DTNA: variants seen among roughly 807,000 people sequenced by gnomAD.
DTNA encodes the protein dystrobrevin alpha.
DTNA carries 43 observed loss-of-function variants against 100.7 expected under a neutral mutation model. The ratio of observed to expected loss-of-function variants is 0.43; its 90% CI spans 0.33 to 0.55. The LOEUF (loss-of-function observed/expected upper bound fraction) is 0.55, where lower values mean the gene tolerates loss of function less well. Ranked by LOEUF, DTNA falls within the 20% of genes least tolerant of loss-of-function variation. The pLI is 0.04. For missense variants in DTNA, 798 were observed against 953.9 expected (o/e 0.84, Z 2.15); for synonymous variants, 349 against 347.9 (o/e 1.00, Z -0.04).
Position 34,765,949 on chromosome 18 carries a change from T to G in DTNA, c.68-12T>G. The G allele has an allele frequency of 6.2e-7, 1 of 1,613,618 alleles. No individual in the cohort carries two copies. Among genetic ancestry groups the G allele is most frequent in the Non-Finnish European group, 8.5e-7 (1 of 1,179,648 alleles). On this transcript the variant is annotated splice_polypyrimidine_tract_variant and intron_variant, in intron 2 of 22. Coordinates refer to ENST00000444659, the MANE Select transcript of DTNA (RefSeq NM_001386795.1). ...CATGGCATACCTTATGTGTCCTTTT[T>G]CCCCGCACTAGGGGCTCAAGATCTG...
chr18:34,682,103 TC>T (rs1457493614), intron 1 of DTNA, among the ~76,000 whole-genome samples: 2 of 152,198 alleles, frequency 1.3e-5, no homozygotes. Context: ...CATTTAAGTC[TC>T]CTTCATGGCT....
At chr18:34,855,690 C>G (rs543622496) in intron 15 of DTNA, among the ~76,000 whole-genome samples, 4 of 152,304 alleles carry the variant, frequency 2.6e-5, no homozygotes, top group African/African-American at 9.6e-5. Context: ...GGAGGTCAAC[C>G]CTGACCAGAG....
intron 3 of DTNA, among the ~76,000 whole-genome samples, chr18:34,771,957 C>CT (rs10655400): frequency 0.81 from 121,453 of 149,274 alleles, 49,703 homozygotes; most frequent in East Asian, 0.91. Context: ...GTCAGCAGAT[C>CT]TTTTTTTTTT....
intron 1 of DTNA, among the ~76,000 whole-genome samples, chr18:34,515,249 T>C (rs1033112011): frequency 1.3e-5 from 2 of 152,070 alleles, no homozygotes; most frequent in African/African-American, 4.8e-5. Flanking sequence ...TTGAGTTTTC[T>C]TCCCTTGAAG....
chr18:34,818,263 G>C lies in DTNA; in HGVS notation c.809G>C (p.Cys270Ser). 2 of 1,614,036 alleles carry C rather than the reference G, an allele frequency of 1.2e-6. No individual in the cohort carries two copies. Among genetic ancestry groups the C allele is most frequent in the Non-Finnish European group, 1.7e-6 (2 of 1,179,950 alleles). Reference protein sequence around the residue: ...QCHNYQLCQDCFWRGHAGGSH... With the variant: ...QCHNYQLCQDSFWRGHAGGSH... ...CACAATTACCAGCTCTGTCAGGACT[G>C]CTTCTGGAGGGGACATGCCGGTGGT... The change falls in exon 8 of 23, where the codon TGC (cysteine) becomes TCC (serine). Residue 270 changes from cysteine to serine, a missense_variant. Transcript: ENST00000444659.
chr18:34,749,317 C>G (rs1392501236), intron 1 of DTNA, among the ~76,000 whole-genome samples: 1 of 152,042 alleles, frequency 6.6e-6, no homozygotes, highest in Non-Finnish European at 1.5e-5. Flanking sequence ...ATTTGTTTCT[C>G]TTGTCTGATT....
At chr18:34,753,593 G>C (rs1369059978) in intron 1 of DTNA, among the ~76,000 whole-genome samples, 1 of 141,320 alleles carries the variant, frequency 7.1e-6, no homozygotes. Context: ...CGTTTTAGCT[G>C]GGATGGTCTC....
intron 1 of DTNA, among the ~76,000 whole-genome samples, chr18:34,662,090 C>T (rs1304018694): frequency 6.6e-6 from 1 of 150,850 alleles, no homozygotes; most frequent in Non-Finnish European, 1.5e-5. Context: ...TAAGCTGTTA[C>T]TTATTATCAA....
chr18:34,755,161 C>T (rs776158341), intron 1 of DTNA, among the ~76,000 whole-genome samples: 3 of 152,136 alleles, frequency 2.0e-5, no homozygotes, highest in South Asian at 2.1e-4. Context: ...AAGTCAAATC[C>T]GTCAGCCTCT....
chr18:34,575,369 G>A (rs1261743905), intron 1 of DTNA, among the ~76,000 whole-genome samples: 2 of 152,124 alleles, frequency 1.3e-5, no homozygotes, highest in Admixed American at 6.5e-5. Flanking sequence ...CTTCATCTAA[G>A]TTGTCTCTTA....
At chr18:34,628,316 T>A (rs2057616723) in intron 1 of DTNA, among the ~76,000 whole-genome samples, 1 of 152,240 alleles carries the variant, frequency 6.6e-6, no homozygotes, top group Non-Finnish European at 1.5e-5. Context: ...GCTAAATCAG[T>A]TCTACTGAAA....
chr18:34,748,844 A>G (rs965218136), intron 1 of DTNA, among the ~76,000 whole-genome samples: 2 of 152,116 alleles, frequency 1.3e-5, no homozygotes, highest in Non-Finnish European at 2.9e-5. Flanking sequence ...GCAAAGAACA[A>G]TGATGGTATT....
intron 1 of DTNA, among the ~76,000 whole-genome samples, chr18:34,571,396 G>A (rs1320246453): frequency 1.3e-5 from 2 of 152,064 alleles, no homozygotes; most frequent in Admixed American, 1.3e-4. Flanking sequence ...TCTCACCCAG[G>A]AAAAGAGACT....
intron 1 of DTNA, among the ~76,000 whole-genome samples, chr18:34,573,437 G>A (rs1383109214): frequency 6.6e-6 from 1 of 152,158 alleles, no homozygotes; most frequent in Non-Finnish European, 1.5e-5. Context: ...TGAAGAACAT[G>A]CATTAGTCTC....
At chr18:34,615,331 C>T (rs1423288851) in intron 1 of DTNA, among the ~76,000 whole-genome samples, 1 of 152,134 alleles carries the variant, frequency 6.6e-6, no homozygotes, top group African/African-American at 2.4e-5. Context: ...CACCTCCAAC[C>T]AGGCCCCACC....
intron 8 of DTNA, among the ~76,000 whole-genome samples, chr18:34,820,439 T>C (rs2095686447): frequency 6.6e-6 from 1 of 152,174 alleles, no homozygotes; most frequent in African/African-American, 2.4e-5. Flanking sequence ...GCCTCCTGCT[T>C]TCCTCCCCAG....
At chr18:34,640,266 G>T (rs1337413655) in intron 1 of DTNA, among the ~76,000 whole-genome samples, 2 of 152,058 alleles carry the variant, frequency 1.3e-5, no homozygotes, top group Non-Finnish European at 2.9e-5. Context: ...CTGACTCCCT[G>T]CCTGCCTGTC....
intron 2 of DTNA, 82 bp downstream of exon 2, chr18:34,756,125 TG>T (rs2092752132): frequency 4.7e-6 from 7 of 1,477,768 alleles, no homozygotes; most frequent in Non-Finnish European, 6.5e-6. Flanking sequence ...TTTATCTTTA[TG>T]ATATTTGTAC....
rs1454106500 is a variant in DTNA, at chr18:34,887,350, C to CTG, written c.*32-414_*32-413dup. Among the ~76,000 whole-genome samples the CTG allele has an allele frequency of 2.0e-5, 3 of 152,312 alleles. No individual in the cohort carries two copies. In the East Asian group the frequency reaches 5.8e-4, roughly 29 times the overall value. Reference sequence around the variant, plus strand: ...CATCCTGTGGCCACATGGTACACCACTGTCCTTGGCCACTCACATCCAAGT... The same window carrying CTG: ...CATCCTGTGGCCACATGGTACACCACTGTGTCCTTGGCCACTCACATCCAAGT... On this transcript the variant is annotated intron_variant, in intron 22 of 22. Coordinates refer to ENST00000444659, the MANE Select transcript of DTNA (RefSeq NM_001386795.1).
Sources: allele counts gnomAD v4.1 joint callset (sites outside exome capture counted in the v4.1 genomes callset), GRCh38; gene constraint gnomAD v4.1.1; transcripts MANE v1.5; gene names NCBI Gene and HGNC (gene_info 2026-07-23, HGNC 2026-07-21).